The following KLHL18 variants were observed in gnomAD, a reference collection of about 807,000 sequenced individuals.
The protein encoded by KLHL18 is kelch-like protein 18.
KLHL18 carries 38 observed loss-of-function variants against 58.5 expected under a neutral mutation model. The ratio of observed to expected loss-of-function variants is 0.65; its 90% CI spans 0.50 to 0.85. KLHL18 has a LOEUF of 0.85. Ranked by LOEUF, KLHL18 falls within the 40% of genes least tolerant of loss-of-function variation. KLHL18 has a pLI of 0.00. For missense variants in KLHL18, 624 were observed against 778.4 expected (o/e 0.80, Z 2.36); for synonymous variants, 303 against 301.9 (o/e 1.00, Z -0.04).
intron 3 of KLHL18, among the ~76,000 whole-genome samples, chr3:47,324,999 C>T (rs1703681313): frequency 6.6e-6 from 1 of 152,146 alleles, no homozygotes; most frequent in African/African-American, 2.4e-5. Flanking sequence ...TAAACCTATA[C>T]CTCTCCTGTT....
intron 1 of KLHL18, among the ~76,000 whole-genome samples, chr3:47,304,110 GAACA>G (rs1703085268): frequency 6.6e-6 from 1 of 152,108 alleles, no homozygotes; most frequent in Admixed American, 6.5e-5. Context: ...TAACAATGTT[GAACA>G]TCTTTTCATG....
chr3:47,284,026 A>C (rs1272436530), intron 1 of KLHL18, among the ~76,000 whole-genome samples: 1 of 152,120 alleles, frequency 6.6e-6, no homozygotes, highest in Non-Finnish European at 1.5e-5. Flanking sequence ...TGAGTGGGGG[A>C]ATTGGAGACC....
chr3:47,329,505 G>A (rs1354791392), intron 3 of KLHL18, among the ~76,000 whole-genome samples: 1 of 152,228 alleles, frequency 6.6e-6, no homozygotes, highest in African/African-American at 2.4e-5. Flanking sequence ...GGGATTACAG[G>A]CGTGAGCCAC....
intron 1 of KLHL18, among the ~76,000 whole-genome samples, chr3:47,291,828 TC>T (rs1469365355): frequency 2.0e-5 from 3 of 152,370 alleles, no homozygotes; most frequent in African/African-American, 7.2e-5. Context: ...CTACAGGTGA[TC>T]ATGGGACTAT....
chr3:47,342,437 A>C (rs1704129776), intron 8 of KLHL18, among the ~76,000 whole-genome samples: 2 of 152,354 alleles, frequency 1.3e-5, no homozygotes, highest in South Asian at 4.1e-4. Context: ...GGTCTGCTTA[A>C]CAAGGCAGGG....
chr3:47,316,734 T>C (rs71615461), intron 1 of KLHL18, among the ~76,000 whole-genome samples: 41 of 10,270 alleles, frequency 4.0e-3, no homozygotes, highest in African/African-American at 0.01. Context: ...TGTGTATATA[T>C]ACATATATAC....
intron 1 of KLHL18, among the ~76,000 whole-genome samples, chr3:47,296,959 C>G (rs555608888): frequency 6.6e-6 from 1 of 152,202 alleles, no homozygotes; most frequent in Admixed American, 6.5e-5. Flanking sequence ...GCCCACTTCT[C>G]TCCCTTCCTC....
Position 47,346,488 on chromosome 3 carries a change from G to C in KLHL18, c.*2547G>C, listed in dbSNP as rs1704228073. ...CCCATGAAAAGAAGCATCACCCAAGGATATTGTAAAAAGGATGTAACAAGG... is the reference window on the plus strand; with the variant it reads ...CCCATGAAAAGAAGCATCACCCAAGCATATTGTAAAAAGGATGTAACAAGG... On this transcript the variant is annotated 3_prime_UTR_variant, in exon 10 of 10. Coordinates refer to ENST00000232766, the MANE Select transcript of KLHL18 (RefSeq NM_025010.5). 6.6e-6 allele frequency: 1 copy of C among 152,622 alleles called. No individual in the cohort carries two copies. Among genetic ancestry groups the C allele is most frequent in the African/African-American group, 2.4e-5 (1 of 41,456 alleles). 9.5% of individuals were successfully genotyped at this position (152,622 alleles called of 1,614,324 possible).
At chr3:47,306,551 T>C (rs1703152464) in intron 1 of KLHL18, among the ~76,000 whole-genome samples, 1 of 152,214 alleles carries the variant, frequency 6.6e-6, no homozygotes, top group African/African-American at 2.4e-5. Context: ...AGGTGGTTTT[T>C]TATTTTGTTT....
In KLHL18 at chr3:47,344,182, C is replaced by T. The variant is rs1704176372; in HGVS notation, c.*241C>T. ...CTCCTCTGGATCCTGCAGCTGGTGA[C>T]ATGGAACTGTTTTCTGGTCCACATG... On this transcript the variant is annotated 3_prime_UTR_variant, in exon 10 of 10. Transcript: ENST00000232766. The T allele has an allele frequency of 3.6e-6, 2 of 554,342 alleles. No individual in the cohort carries two copies. The highest frequency in any genetic ancestry group is 2.5e-5 in the South Asian group (1 of 40,604). 34.3% of individuals were successfully genotyped at this position (554,342 alleles called of 1,614,324 possible).
At chr3:47,301,950 C>T (rs1703034779) in intron 1 of KLHL18, among the ~76,000 whole-genome samples, 1 of 152,054 alleles carries the variant, frequency 6.6e-6, no homozygotes, top group Non-Finnish European at 1.5e-5. Flanking sequence ...TGCACACTAC[C>T]ACTACCATGC....
intron 1 of KLHL18, among the ~76,000 whole-genome samples, chr3:47,294,464 A>C (rs925402053): frequency 1.3e-5 from 2 of 152,200 alleles, no homozygotes; most frequent in African/African-American, 4.8e-5. Context: ...GCCTCTCTTA[A>C]TAGAGATCTA....
At chr3:47,317,772 G>T (rs295428) in intron 1 of KLHL18, among the ~76,000 whole-genome samples, 74,830 of 151,974 alleles carry the variant, frequency 0.49, 20,068 homozygotes, top group Non-Finnish European at 0.6. Context: ...GAGTGTAGGG[G>T]ATAGTACATG....
intron 3 of KLHL18, among the ~76,000 whole-genome samples, chr3:47,324,910 G>A (rs2107637789): frequency 6.6e-6 from 1 of 152,324 alleles, no homozygotes; most frequent in East Asian, 1.9e-4. Flanking sequence ...TTAGGAATAA[G>A]TACTTACGCA....
chr3:47,284,337 C>CTTTTTTTT (rs767276527), intron 1 of KLHL18, among the ~76,000 whole-genome samples: 76 of 127,118 alleles, frequency 6.0e-4, no homozygotes, highest in Non-Finnish European at 8.0e-4. Context: ...TTTCTTTTTT[C>CTTTTTTTT]TTTTTTTTTT....
At chr3:47,343,359 A>C (rs917264188) in intron 9 of KLHL18, among the ~76,000 whole-genome samples, 196 bp from the exon 10 acceptor site, 7 of 152,192 alleles carry the variant, frequency 4.6e-5, no homozygotes, top group Non-Finnish European at 1.0e-4. Flanking sequence ...AGAAAGGGTT[A>C]GGTGAGGTGA....
intron 3 of KLHL18, among the ~76,000 whole-genome samples, chr3:47,326,972 C>G (rs1407183316): frequency 6.6e-6 from 1 of 151,656 alleles, no homozygotes; most frequent in Non-Finnish European, 1.5e-5. Flanking sequence ...GGCGTGGTGG[C>G]TCACGCTTGT....
intron 2 of KLHL18, among the ~76,000 whole-genome samples, chr3:47,320,449 C>G (rs1197314484): frequency 2.0e-5 from 3 of 152,114 alleles, no homozygotes; most frequent in Non-Finnish European, 4.4e-5. Context: ...AATTGAAGCT[C>G]AAGGAGATCA....
intron 1 of KLHL18, among the ~76,000 whole-genome samples, chr3:47,311,985 G>A (rs1576156660): frequency 6.6e-6 from 1 of 152,232 alleles, no homozygotes; most frequent in Non-Finnish European, 1.5e-5. Context: ...TGAATGCTGA[G>A]TCTTTGCTAG....
Sources: allele counts gnomAD v4.1 joint callset (sites outside exome capture counted in the v4.1 genomes callset), GRCh38; gene constraint gnomAD v4.1.1; transcripts MANE v1.5; gene names NCBI Gene and HGNC (gene_info 2026-07-23, HGNC 2026-07-21).